The following PDE4B variants were observed in gnomAD, a reference collection of about 807,000 sequenced individuals.
PDE4B encodes 3',5'-cyclic-AMP phosphodiesterase 4B.
A neutral mutation model predicts 82.2 loss-of-function variants in PDE4B; 20 were observed. That is an observed-to-expected ratio of 0.24 (90% CI 0.17 to 0.35). PDE4B has a LOEUF of 0.35. PDE4B is among the 10% of genes least tolerant of loss of function. The probability of loss-of-function intolerance (pLI) is 1.00; values close to 1 mark genes in which losing one functional copy is unlikely to be tolerated. For synonymous variants in PDE4B, 320 were observed against 318.9 expected (o/e 1.00, Z -0.04); for missense variants, 655 against 907.2 (o/e 0.72, Z 3.57).
intron 7 of PDE4B, among the ~76,000 whole-genome samples, chr1:66,294,643 T>C (rs1657369178): frequency 6.6e-6 from 1 of 152,190 alleles, no homozygotes; most frequent in Non-Finnish European, 1.5e-5. Flanking sequence ...AGTTTTTTTC[T>C]TGTCTATCTG....
intron 1 of PDE4B, among the ~76,000 whole-genome samples, chr1:65,818,849 A>G (rs1258319949): frequency 1.3e-5 from 2 of 152,134 alleles, no homozygotes; most frequent in Non-Finnish European, 2.9e-5. Flanking sequence ...TGTCTCTTCC[A>G]CTGGACCATA....
intron 1 of PDE4B, among the ~76,000 whole-genome samples, chr1:65,882,206 G>A (rs1490557455): frequency 6.6e-6 from 1 of 152,138 alleles, no homozygotes; most frequent in Non-Finnish European, 1.5e-5. Flanking sequence ...TTTAGTGATT[G>A]GCTGACCCTT....
At chr1:65,944,599 T>C (rs2100554547) in intron 3 of PDE4B, among the ~76,000 whole-genome samples, 1 of 151,934 alleles carries the variant, frequency 6.6e-6, no homozygotes, top group South Asian at 2.1e-4. Flanking sequence ...GTTTCTAGAA[T>C]GAGAAAAGGA....
chr1:66,055,613 C>T (rs1212800120), intron 3 of PDE4B, among the ~76,000 whole-genome samples: 1 of 152,162 alleles, frequency 6.6e-6, no homozygotes, highest in Non-Finnish European at 1.5e-5. Flanking sequence ...TCATCCCACT[C>T]TTTCCTTCTA....
intron 3 of PDE4B, among the ~76,000 whole-genome samples, chr1:66,089,517 C>T (rs1031428227): frequency 2.0e-5 from 3 of 152,018 alleles, no homozygotes; most frequent in Non-Finnish European, 4.4e-5. Flanking sequence ...TAATGGCTGT[C>T]TTTAGATAAA....
intron 3 of PDE4B, among the ~76,000 whole-genome samples, chr1:66,121,895 T>A (rs1163176479): frequency 6.6e-6 from 1 of 152,174 alleles, no homozygotes; most frequent in African/African-American, 2.4e-5. Flanking sequence ...TTTCACATTT[T>A]TTCTTTCTCC....
At chr1:65,855,871 A>G (rs532144248) in intron 1 of PDE4B, among the ~76,000 whole-genome samples, 4 of 152,254 alleles carry the variant, frequency 2.6e-5, no homozygotes, top group Admixed American at 2.0e-4. Flanking sequence ...CAGGGCAAAC[A>G]TAAGGCTAAC....
intron 3 of PDE4B, among the ~76,000 whole-genome samples, chr1:66,033,228 A>AGGTGT (rs1653888136): frequency 2.6e-5 from 4 of 152,114 alleles, no homozygotes; most frequent in Non-Finnish European, 5.9e-5. Flanking sequence ...AGTCACTTTA[A>AGGTGT]TCTCAAGACT....
intron 3 of PDE4B, among the ~76,000 whole-genome samples, chr1:66,066,950 C>CT (rs1303951285): frequency 6.6e-6 from 1 of 151,936 alleles, no homozygotes; most frequent in African/African-American, 2.4e-5. Flanking sequence ...GTAATATAAT[C>CT]TTTTTTGGTT....
At chr1:66,367,319 G>A (rs997573095) in intron 13 of PDE4B, among the ~76,000 whole-genome samples, 1 of 152,124 alleles carries the variant, frequency 6.6e-6, no homozygotes, top group Non-Finnish European at 1.5e-5. Flanking sequence ...AATTCATAAA[G>A]TTTAGTGGTA....
At position 65,918,667 on chromosome 1, in the gene PDE4B, A is replaced by G. The variant is rs1647189700; in HGVS notation, c.113A>G (p.Asp38Gly). Residue 38 changes from aspartate (D) to glycine (G), a missense_variant, in exon 3 of 17, where the codon GAC (aspartate) becomes GGC (glycine). By Grantham distance (94) the Asp-to-Gly change is moderately conservative. Around this residue, in one of 3 missense-constraint regions of PDE4B, gnomAD observed 253 missense variants for 275.6 expected, o/e 0.92. Coordinates refer to ENST00000341517, the MANE Select transcript of PDE4B (RefSeq NM_002600.4). The stretch of plus-strand genomic sequence containing the variant: ...TCTTCCAGTAACACACTTGGGATCG[A>G]CCTCTGGAGAGGGAGAAGGTGTTGC... The part of the protein sequence containing the change: ...YSSSSNTLGI[D>G]LWRGRRCCSG... 1.2e-6 allele frequency: 2 copies of G among 1,613,694 alleles called. No homozygotes were observed. Among genetic ancestry groups the G allele is most frequent in the African/African-American group, 1.3e-5 (1 of 74,882 alleles).
chr1:65,822,496 C>T (rs750091873), intron 1 of PDE4B, among the ~76,000 whole-genome samples: 1 of 152,166 alleles, frequency 6.6e-6, no homozygotes, highest in Non-Finnish European at 1.5e-5. Flanking sequence ...TCTGTCTTTA[C>T]TTGTTACTGC....
At chr1:66,283,453 G>A (rs1656437419) in intron 7 of PDE4B, among the ~76,000 whole-genome samples, 1 of 151,938 alleles carries the variant, frequency 6.6e-6, no homozygotes, top group African/African-American at 2.4e-5. Context: ...CTTGTTTGCT[G>A]GCACTTAATA....
intron 3 of PDE4B, among the ~76,000 whole-genome samples, chr1:65,960,464 T>C (rs1004543484): frequency 2.0e-5 from 3 of 152,118 alleles, no homozygotes; most frequent in Admixed American, 6.6e-5. Flanking sequence ...GGCCAAGGAA[T>C]GTATCTTTTG....
At chr1:66,243,632 C>G (rs539009851) in intron 3 of PDE4B, among the ~76,000 whole-genome samples, 1 of 152,078 alleles carries the variant, frequency 6.6e-6, no homozygotes, top group African/African-American at 2.4e-5. Context: ...AAGATACTAG[C>G]TCAATGGAGA....
intron 3 of PDE4B, among the ~76,000 whole-genome samples, chr1:66,066,814 C>G (rs995267296): frequency 6.6e-6 from 1 of 151,908 alleles, no homozygotes; most frequent in Admixed American, 6.6e-5. Context: ...AATCTTGGCT[C>G]AGACTTCTAA....
chr1:66,084,843 C>T (rs1391055289), intron 3 of PDE4B, among the ~76,000 whole-genome samples: 2 of 152,244 alleles, frequency 1.3e-5, no homozygotes, highest in African/African-American at 4.8e-5. Context: ...AAGGCAGAGT[C>T]CCAAGCATTG....
chr1:66,223,653 G>A (rs934395902), intron 3 of PDE4B, among the ~76,000 whole-genome samples: 2 of 152,074 alleles, frequency 1.3e-5, no homozygotes, highest in African/African-American at 4.8e-5. Context: ...CTTGGCCTCT[G>A]AGCTACACTT....
At chr1:66,233,064 T>C (rs1165786178) in intron 3 of PDE4B, among the ~76,000 whole-genome samples, 2 of 152,174 alleles carry the variant, frequency 1.3e-5, no homozygotes, top group African/African-American at 4.8e-5. Flanking sequence ...GAAGCTATCA[T>C]TACATTGAAG....
Sources: allele counts gnomAD v4.1 joint callset (sites outside exome capture counted in the v4.1 genomes callset), GRCh38; gene constraint gnomAD v4.1.1; regional missense constraint gnomAD v4.1.1; transcripts MANE v1.5; gene names NCBI Gene and HGNC (gene_info 2026-07-23, HGNC 2026-07-21).